CTIF: variants seen among roughly 807,000 people sequenced by gnomAD.
The protein encoded by CTIF is CBP80/20-dependent translation initiation factor.
In CTIF, 21 loss-of-function variants were observed where a neutral mutation model predicts 66.0. The ratio of observed to expected loss-of-function variants is 0.32; its 90% CI spans 0.23 to 0.46. The LOEUF (loss-of-function observed/expected upper bound fraction) is 0.46. Ranked by LOEUF, CTIF falls within the 20% of genes least tolerant of loss-of-function variation. The pLI, the probability that CTIF is intolerant of heterozygous loss-of-function variation, is 1.00. For synonymous variants in CTIF, 345 were observed against 326.4 expected (o/e 1.06, Z -0.62); for missense variants, 739 against 812.7 (o/e 0.91, Z 1.10).
intron 6 of CTIF, among the ~76,000 whole-genome samples, chr18:48,690,937 G>A (rs2091916457): frequency 6.6e-6 from 1 of 152,156 alleles, no homozygotes; most frequent in South Asian, 2.1e-4. Flanking sequence ...GCTTCTGAGA[G>A]GGCAGCAGTA....
At chr18:48,552,791 G>A (rs1217610659) in intron 1 of CTIF, among the ~76,000 whole-genome samples, 1 of 152,162 alleles carries the variant, frequency 6.6e-6, no homozygotes, top group African/African-American at 2.4e-5. Flanking sequence ...CTCAAGCTTT[G>A]CCTGTCACAC....
intron 10 of CTIF, among the ~76,000 whole-genome samples, chr18:48,838,651 G>A (rs1163649382): frequency 6.6e-6 from 1 of 152,184 alleles, no homozygotes; most frequent in African/African-American, 2.4e-5. Context: ...CCAACACAGA[G>A]TTTAGTGTAG....
intron 7 of CTIF, among the ~76,000 whole-genome samples, chr18:48,754,389 C>A (rs1022429787): frequency 3.3e-5 from 5 of 152,138 alleles, no homozygotes; most frequent in Non-Finnish European, 5.9e-5. Context: ...TCTTATCTGT[C>A]GAATGGAAAG....
At chr18:48,829,051 A>C (rs1443755278) in intron 10 of CTIF, among the ~76,000 whole-genome samples, 1 of 152,136 alleles carries the variant, frequency 6.6e-6, no homozygotes, top group African/African-American at 2.4e-5. Flanking sequence ...GTGGGAGGGG[A>C]CCGGCAGCTG....
chr18:48,667,516 A>G (rs1448363772), intron 5 of CTIF, among the ~76,000 whole-genome samples: 1 of 152,152 alleles, frequency 6.6e-6, no homozygotes, highest in East Asian at 1.9e-4. Flanking sequence ...CTTATTGACT[A>G]CAGGTGCCCA....
intron 9 of CTIF, among the ~76,000 whole-genome samples, chr18:48,799,616 A>C (rs2068005947): frequency 6.6e-6 from 1 of 151,960 alleles, no homozygotes; most frequent in South Asian, 2.1e-4. Flanking sequence ...GCCCAAAGCC[A>C]GAGTAATTTC....
chr18:48,757,970 C>A lies in CTIF; in HGVS notation c.636C>A (p.His212Gln), dbSNP rs200095069. 6.2e-7 allele frequency: 1 copy of A among 1,613,940 alleles called. No individual in the cohort carries two copies. ...ACAAGCCCCAACAGCATGGTGACCACCAGCCAGGCAGTGCCAAACACAACA... is the reference window on the plus strand; with the variant it reads ...ACAAGCCCCAACAGCATGGTGACCAACAGCCAGGCAGTGCCAAACACAACA... ...GGNKPQQHGD[H>Q]QPGSAKHNRD... Residue 212 changes from histidine (H) to glutamine (Q), a missense_variant, in exon 8 of 12, where the codon CAC becomes CAA. This residue lies in a region of CTIF where 529 missense variants were observed against 520.3 expected (regional missense o/e 1.02). Transcript: ENST00000256413.
In CTIF at chr18:48,686,866, C is replaced by T. The variant is rs552763872; in HGVS notation, c.507+16122C>T. Among the ~76,000 whole-genome samples, 5 of 152,254 alleles carry T rather than the reference C, an allele frequency of 3.3e-5. No homozygotes were observed. In the South Asian group the frequency reaches 1.0e-3, roughly 32 times the overall value. ...GCACATAACTTAGGTTGCACCTGTC[C>T]CCACACTGCCAAGTTGCCCACTCCT... is the stretch of plus-strand genomic sequence containing the variant. On this transcript the variant is annotated intron_variant, in intron 6 of 11. Transcript: ENST00000256413.
intron 3 of CTIF, among the ~76,000 whole-genome samples, chr18:48,645,074 C>A (rs2091002244): frequency 6.6e-6 from 1 of 152,084 alleles, no homozygotes; most frequent in Non-Finnish European, 1.5e-5. Flanking sequence ...AATAGATGTT[C>A]TTATCTATAT....
chr18:48,607,317 T>A (rs79835508), intron 1 of CTIF, among the ~76,000 whole-genome samples: 247 of 152,318 alleles, frequency 1.6e-3, no homozygotes, highest in African/African-American at 5.0e-3. Context: ...CTGAGATTCC[T>A]GTGGTTGCTG....
At chr18:48,676,967 G>A (rs1287465425) in intron 6 of CTIF, among the ~76,000 whole-genome samples, 1 of 152,064 alleles carries the variant, frequency 6.6e-6, no homozygotes, top group Non-Finnish European at 1.5e-5. Flanking sequence ...AGCAGGTGGC[G>A]CTGCTGCTAT....
intron 1 of CTIF, among the ~76,000 whole-genome samples, chr18:48,569,139 T>G (rs2089353328): frequency 6.6e-6 from 1 of 152,194 alleles, no homozygotes; most frequent in African/African-American, 2.4e-5. Flanking sequence ...TTTACCTTAA[T>G]TACCACTCTA....
intron 3 of CTIF, among the ~76,000 whole-genome samples, chr18:48,655,787 C>T (rs2091238289): frequency 6.6e-6 from 1 of 152,176 alleles, no homozygotes; most frequent in Non-Finnish European, 1.5e-5. Context: ...GGGAAACTTC[C>T]CCCATGACTG....
At chr18:48,652,988 T>A (rs2091184011) in intron 3 of CTIF, among the ~76,000 whole-genome samples, 1 of 152,064 alleles carries the variant, frequency 6.6e-6, no homozygotes, top group African/African-American at 2.4e-5. Flanking sequence ...TCAAAATAAT[T>A]AGAGCTATCT....
chr18:48,744,048 A>T (rs2092575811), intron 7 of CTIF, among the ~76,000 whole-genome samples: 1 of 152,230 alleles, frequency 6.6e-6, no homozygotes, highest in Non-Finnish European at 1.5e-5. Flanking sequence ...CCAGAAGGTC[A>T]AACTGACTTG....
chr18:48,671,362 G>A (rs2091531668), intron 6 of CTIF, among the ~76,000 whole-genome samples: 1 of 152,146 alleles, frequency 6.6e-6, no homozygotes, highest in South Asian at 2.1e-4. Flanking sequence ...CTGCTGCAGG[G>A]GTGTAAAAGC....
At chr18:48,703,374 C>T (rs1467499902) in intron 6 of CTIF, among the ~76,000 whole-genome samples, 1 of 152,156 alleles carries the variant, frequency 6.6e-6, no homozygotes, top group Non-Finnish European at 1.5e-5. Context: ...TGCCTGGGAC[C>T]TCCCACCCCT....
intron 1 of CTIF, among the ~76,000 whole-genome samples, chr18:48,575,922 A>G (rs538109081): frequency 2.6e-5 from 4 of 152,320 alleles, no homozygotes; most frequent in South Asian, 2.1e-4. Context: ...GCTGACTCTA[A>G]CTCTTGCTTT....
intron 1 of CTIF, among the ~76,000 whole-genome samples, chr18:48,557,474 C>T (rs561068836): frequency 9.9e-5 from 15 of 152,192 alleles, no homozygotes; most frequent in Non-Finnish European, 1.5e-4. Flanking sequence ...GCAGCTTTGG[C>T]CACATCCACT....
Sources: gnomAD v4.1 joint callset for allele counts (sites outside exome capture counted in the v4.1 genomes callset) on GRCh38, gnomAD v4.1.1 for gene constraint, gnomAD v4.1.1 regional missense constraint, MANE v1.5 for transcripts, NCBI Gene and HGNC (gene_info 2026-07-23, HGNC 2026-07-21) for gene names.